E2F8: variants seen among roughly 807,000 people sequenced by gnomAD.
E2F8 encodes the protein E2F transcription factor 8.
Under a neutral mutation model 80.8 loss-of-function variants are expected in E2F8, and 35 were observed. The observed-to-expected ratio is 0.43, with a 90% CI of 0.33 to 0.57. The LOEUF (loss-of-function observed/expected upper bound fraction) is 0.57. E2F8 is among the 20% of genes least tolerant of loss of function. E2F8 has a pLI of 0.04. For missense variants in E2F8, 975 were observed against 1,056.2 expected, an observed-to-expected ratio of 0.92 and a Z score of 1.07; for synonymous variants, 386 against 395.0, an observed-to-expected ratio of 0.98 and a Z score of 0.27.
intron 4 of E2F8, among the ~76,000 whole-genome samples, chr11:19,236,895 C>T (rs1851533476): frequency 6.6e-6 from 1 of 152,210 alleles, no homozygotes; most frequent in Non-Finnish European, 1.5e-5. Flanking sequence ...GCTGAAGGTC[C>T]AGGAGTGCAC....
Position 19,237,989 on chromosome 11 carries a change from C to G in E2F8, c.159G>C (p.Gln53His). Reference sequence around the variant, plus strand: ...TGGCTGTCGGTGTCCACGGCTCTCCCTGAGAGCCTTCCTTGGGCTTGGTAG... The same window carrying G: ...TGGCTGTCGGTGTCCACGGCTCTCCGTGAGAGCCTTCCTTGGGCTTGGTAG... The part of the protein sequence containing the change: ...TTPTKPKEGS[Q>H]GEPWTPTANL... Residue 53 changes from glutamine (Q) to histidine (H), a missense_variant, in exon 3 of 13, where the codon CAG (glutamine) becomes CAC (histidine). By Grantham distance (24) the Gln-to-His change is conservative. Transcript: ENST00000250024. 6.2e-7 allele frequency: 1 copy of G among 1,614,218 alleles called. No individual in the cohort carries two copies. The highest frequency in any genetic ancestry group is 2.2e-5 in the East Asian group (1 of 44,882).
chr11:19,238,129 T>A lies in E2F8; in HGVS notation c.19A>T (p.Asn7Tyr), dbSNP rs775618279. MENEKENLFCEPHKRGL... is the reference protein window; with the variant it reads MENEKEYLFCEPHKRGL... ...CTTTTATGTGGCTCACAAAAGAGATTTTCCTGGTTTAAAAAATGTAAATAA... is the reference window on the plus strand; with the variant it reads ...CTTTTATGTGGCTCACAAAAGAGATATTCCTGGTTTAAAAAATGTAAATAA... Residue 7 changes from asparagine to tyrosine, a missense_variant, in exon 3 of 13, where the codon AAT becomes TAT. By Grantham distance (143) the Asn-to-Tyr change is moderately radical. Coordinates refer to ENST00000250024, the MANE Select transcript of E2F8 (RefSeq NM_024680.4). The A allele has an allele frequency of 1.6e-5, 26 of 1,599,396 alleles. No homozygotes were observed. The East Asian group carries it at 4.0e-4, about 25-fold the overall frequency.
Position 19,233,919 on chromosome 11 carries a change from G to C in E2F8, c.928+441C>G, listed in dbSNP as rs188450854. On this transcript the variant is annotated intron_variant, in intron 6 of 12. Transcript: ENST00000250024. Reference sequence around the variant, plus strand: ...GCCTCCCAAAATTTGGGAGGCCGAGGTGGGTGGATCACGAGGTCAAGAGAT... The same window carrying C: ...GCCTCCCAAAATTTGGGAGGCCGAGCTGGGTGGATCACGAGGTCAAGAGAT... 5.5e-3 allele frequency among the ~76,000 whole-genome samples: 832 copies of C among 151,756 alleles called. 4 individuals carry two copies. Among genetic ancestry groups the C allele is most frequent in the African/African-American group, 0.019 (780 of 41,418 alleles).
chr11:19,236,984 A>C (rs1439428550), intron 4 of E2F8, among the ~76,000 whole-genome samples: 1 of 152,254 alleles, frequency 6.6e-6, no homozygotes, highest in African/African-American at 2.4e-5. Flanking sequence ...ATTCTTCAAG[A>C]ACAGCAAGGG....
chr11:19,240,956 C>G (rs1851645090), upstream of E2F8: 2 of 152,540 alleles, frequency 1.3e-5, 1 homozygote, highest in South Asian at 4.1e-4. Context: ...GCACTTCCCC[C>G]AACTTTCGGC....
At chr11:19,231,257 C>CT (rs1260850763) in intron 7 of E2F8, among the ~76,000 whole-genome samples, 1 of 152,176 alleles carries the variant, frequency 6.6e-6, no homozygotes, top group Non-Finnish European at 1.5e-5. Flanking sequence ...AGACATTAAC[C>CT]TACTGGCTCA....
chr11:19,229,303 C>A lies in E2F8; in HGVS notation c.1893+151G>T. 1 of 1,031,200 alleles carries A rather than the reference C, an allele frequency of 9.7e-7. No individual in the cohort carries two copies. Among genetic ancestry groups the A allele is most frequent in the African/African-American group, 1.6e-5 (1 of 62,572 alleles). The allele number at this position is 1,031,200 out of a possible 1,614,324, so 63.9% of individuals were successfully genotyped here. On this transcript the variant is annotated intron_variant, in intron 10 of 12. Coordinates refer to ENST00000250024, the MANE Select transcript of E2F8 (RefSeq NM_024680.4). The surrounding 1 kb of genome is among the most constrained non-coding windows in gnomAD (Gnocchi z 4.3). Reference sequence around the variant, plus strand: ...GCCTTCATCCCAGCCAGGGGATTAGCTGTTGAGGGCCTCACTTGGATTATG... The same window carrying A: ...GCCTTCATCCCAGCCAGGGGATTAGATGTTGAGGGCCTCACTTGGATTATG...
At chr11:19,226,197 C>G (rs755632359) in intron 10 of E2F8, 1 of 250,512 alleles carries the variant, frequency 4.0e-6, no homozygotes. Flanking sequence ...CTACTGGACT[C>G]CTTGGTATGA....
chr11:19,234,228 G>A, intron 6 of E2F8, 132 bp downstream of exon 6: 1 of 964,182 alleles, frequency 1.0e-6, no homozygotes, highest in Admixed American at 2.5e-5. Flanking sequence ...GGCTTCTGGG[G>A]AGAAGATATA....
intron 10 of E2F8, among the ~76,000 whole-genome samples, chr11:19,228,763 G>A (rs1047695543): frequency 2.6e-5 from 4 of 152,138 alleles, no homozygotes; most frequent in African/African-American, 7.2e-5. Context: ...ATTGTCCTAA[G>A]GGAGGAAAAT....
rs775553123 is a variant in E2F8 at position 19,234,529 on chromosome 11, G to T, written c.767-8C>A. The T allele has an allele frequency of 6.2e-7, 1 of 1,611,834 alleles. No individual in the cohort carries two copies. Among genetic ancestry groups the T allele is most frequent in the Non-Finnish European group, 8.5e-7 (1 of 1,179,536 alleles). ...TGCGGCTGTTTACAGAAGCTTTAGA[G>T]AAGGATGAGGATTAGAGAATTAAAA... On this transcript the variant is annotated splice_polypyrimidine_tract_variant and splice_region_variant and intron_variant, in intron 5 of 12. Transcript: ENST00000250024.
Position 19,229,312 on chromosome 11 carries a change from G to T in E2F8, c.1893+142C>A. 2 of 1,121,356 alleles carry T rather than the reference G, an allele frequency of 1.8e-6. No homozygotes were observed. The highest frequency in any genetic ancestry group is 2.5e-5 in the Admixed American group (1 of 40,502). The allele number at this position is 1,121,356 out of a possible 1,614,324, so 69.5% of individuals were successfully genotyped here. The stretch of plus-strand genomic sequence containing the variant: ...CCAGCCAGGGGATTAGCTGTTGAGG[G>T]CCTCACTTGGATTATGGGATGCTAA... On this transcript the variant is annotated intron_variant, in intron 10 of 12. Coordinates refer to ENST00000250024, the MANE Select transcript of E2F8 (RefSeq NM_024680.4). The surrounding 1 kb of genome is among the most constrained non-coding windows in gnomAD (Gnocchi z 4.3).
Position 19,224,485 on chromosome 11 carries a change from G to A in E2F8, c.*173C>T. 5.6e-6 allele frequency: 3 copies of A among 539,036 alleles called. No individual in the cohort carries two copies. Among genetic ancestry groups the A allele is most frequent in the Admixed American group, 3.3e-5 (1 of 30,308 alleles). 33.4% of individuals were successfully genotyped at this position (539,036 alleles called of 1,614,324 possible). On this transcript the variant is annotated 3_prime_UTR_variant, in exon 13 of 13. Coordinates refer to ENST00000250024, the MANE Select transcript of E2F8 (RefSeq NM_024680.4). Reference sequence around the variant, plus strand: ...TACAAATATATGTGTGTGTGTGTGTGTGTGTGTGTGTGTATATATATATAT... The same window carrying A: ...TACAAATATATGTGTGTGTGTGTGTATGTGTGTGTGTGTATATATATATAT...
rs1307095032 is a variant in E2F8, at chr11:19,229,769, C to A, written c.1578G>T (p.Gln526His). Residue 526 changes from glutamine (Q) to histidine (H), a missense_variant, in exon 10 of 13, where the codon CAG becomes CAT. Coordinates refer to ENST00000250024, the MANE Select transcript of E2F8 (RefSeq NM_024680.4). The surrounding 1 kb of genome is among the most constrained non-coding windows in gnomAD (Gnocchi z 4.3). ...PSGPSYAIYL[Q>H]PTQAHQSVTP... is the part of the protein sequence containing the mutation. ...TCACACTTTGGTGGGCTTGAGTGGG[C>A]TGCAGGTAGATGGCATAGGATGGGC... is the stretch of plus-strand genomic sequence containing the variant. 1.2e-6 allele frequency: 2 copies of A among 1,614,162 alleles called. No homozygotes were observed. Among genetic ancestry groups the A allele is most frequent in the African/African-American group, 1.3e-5 (1 of 75,042 alleles).
chr11:19,232,434 A>G lies in E2F8; in HGVS notation c.929-63T>C. On this transcript the variant is annotated intron_variant, in intron 6 of 12. Coordinates refer to ENST00000250024, the MANE Select transcript of E2F8 (RefSeq NM_024680.4). ...TGAAAAGATCAAAGAATTTTCCTTCAGAAGGACTTCATGTATATTCTAAGA... is the reference window on the plus strand; with the variant it reads ...TGAAAAGATCAAAGAATTTTCCTTCGGAAGGACTTCATGTATATTCTAAGA... The G allele has an allele frequency of 4.9e-6, 7 of 1,432,584 alleles. No homozygotes were observed. The South Asian group carries it at 7.7e-5, about 16-fold the overall frequency. 88.7% of individuals were successfully genotyped at this position (1,432,584 alleles called of 1,614,324 possible). A position where few individuals can be genotyped will look rare whatever the true frequency, so the allele number is the denominator to read the frequency against.
Position 19,230,568 on chromosome 11 carries a change from G to C in E2F8, c.1270+63C>G, listed in dbSNP as rs59512436. ...GACAACTATTGCAAGGATCAAGTAA[G>C]CTGAAAAAATGAGATAAAAGGGAAT... On this transcript the variant is annotated intron_variant, in intron 8 of 12. Coordinates refer to ENST00000250024, the MANE Select transcript of E2F8 (RefSeq NM_024680.4). 3.1e-3 allele frequency: 4,860 copies of C among 1,553,574 alleles called. 143 individuals carry two copies. The African/African-American group carries it at 0.059, about 19-fold the overall frequency.
upstream of E2F8, among the ~76,000 whole-genome samples, chr11:19,241,161 G>C (rs989617141): frequency 1.3e-5 from 2 of 152,226 alleles, no homozygotes; most frequent in South Asian, 2.1e-4. This position sits in a 1 kb window ranked among gnomAD's most constrained non-coding sequence, Gnocchi z 4.5. Flanking sequence ...AAGTCGGACC[G>C]TGGCCGGCGC....
chr11:19,225,854 G>A lies in E2F8; in HGVS notation c.1904C>T (p.Pro635Leu), dbSNP rs868287458. ...CGTGAGAGGGATTAGGTATCCTGATGGGAACAAGGTCTAGAAAACAAGGAG... is the reference window on the plus strand; with the variant it reads ...CGTGAGAGGGATTAGGTATCCTGATAGGAACAAGGTCTAGAAAACAAGGAG... ...GLENVSATLF[P>L]SGYLIPLTQC... The change falls in exon 11 of 13, where the codon CCA (proline) becomes CTA (leucine). Residue 635 changes from proline (P) to leucine (L), a missense_variant. By Grantham distance (98) the Pro-to-Leu change is moderately conservative (BLOSUM62 -3). Transcript: ENST00000250024. The A allele has an allele frequency of 6.2e-7, 1 of 1,613,910 alleles. No individual in the cohort carries two copies. The highest frequency in any genetic ancestry group is 1.3e-5 in the African/African-American group (1 of 74,894).
rs1182082537 is a variant in E2F8, at chr11:19,234,780, A to T, written c.730T>A (p.Cys244Ser). 1 of 1,613,782 alleles carries T rather than the reference A, an allele frequency of 6.2e-7. No individual in the cohort carries two copies. The highest frequency in any genetic ancestry group is 1.7e-5 in the Admixed American group (1 of 60,004). Reference sequence around the variant, plus strand: ...TCCACTCCAGGGAGTTCCACAAAACACATGTCTGGGTGTCCATTTGGGCCA... The same window carrying T: ...TCCACTCCAGGGAGTTCCACAAAACTCATGTCTGGGTGTCCATTTGGGCCA... ...NTGPNGHPDMCFVELPGVEFR... is the reference protein window; with the variant it reads ...NTGPNGHPDMSFVELPGVEFR... The change falls in exon 5 of 13, where the codon TGT becomes AGT. Residue 244 changes from cysteine to serine, a missense_variant. By Grantham distance (112) the Cys-to-Ser change is moderately radical. Transcript: ENST00000250024.
Sources: allele counts gnomAD v4.1 joint callset (sites outside exome capture counted in the v4.1 genomes callset), GRCh38; gene constraint gnomAD v4.1.1; non-coding constraint Gnocchi (gnomAD v3.1); transcripts MANE v1.5; gene names NCBI Gene and HGNC (gene_info 2026-07-23, HGNC 2026-07-21).